STAC: variants seen among roughly 807,000 people sequenced by gnomAD.
The protein encoded by STAC is SH3 and cysteine-rich domain-containing protein.
In STAC, 43 loss-of-function variants were observed where a neutral mutation model predicts 48.8. The ratio of observed to expected loss-of-function variants is 0.88; its 90% CI spans 0.69 to 1.14. The LOEUF is 1.14. Among genes scored for constraint, STAC ranks in the 50% most tolerant of loss-of-function variants. The pLI is 0.00. For missense variants in STAC, 497 were observed against 504.0 expected, an observed-to-expected ratio of 0.99 and a Z score of 0.13; for synonymous variants, 193 against 179.5, an observed-to-expected ratio of 1.07 and a Z score of -0.60.
In STAC at chr3:36,445,658, C is replaced by T. The variant is rs374523639; in HGVS notation, c.388+2018C>T. On this transcript the variant is annotated intron_variant, in intron 2 of 10. Coordinates refer to ENST00000273183, the MANE Select transcript of STAC (RefSeq NM_003149.3). ...CCCTTCAGACATAGCATTCTGTCTC[C>T]ATATAGATTACCTAAAGATTTCTTT... 6.6e-5 allele frequency among the ~76,000 whole-genome samples: 10 copies of T among 152,298 alleles called. No individual in the cohort carries two copies. The East Asian group carries it at 1.9e-3, about 29-fold the overall frequency.
chr3:36,537,624 G>A (rs918148366), intron 10 of STAC, among the ~76,000 whole-genome samples: 3 of 152,000 alleles, frequency 2.0e-5, no homozygotes, highest in Non-Finnish European at 4.4e-5. Flanking sequence ...TAGGTGATGG[G>A]TTGATAGGTG....
At chr3:36,540,768 A>T (rs528010179) in intron 10 of STAC, among the ~76,000 whole-genome samples, 1 of 151,998 alleles carries the variant, frequency 6.6e-6, no homozygotes, top group South Asian at 2.1e-4. Flanking sequence ...AGCCCTTTTG[A>T]CTCCGTGATT....
chr3:36,474,781 C>T (rs1697444585), intron 2 of STAC, among the ~76,000 whole-genome samples: 1 of 152,178 alleles, frequency 6.6e-6, no homozygotes, highest in Non-Finnish European at 1.5e-5. Flanking sequence ...CCCTACTTCC[C>T]TGTTATAATA....
chr3:36,393,399 A>T (rs1699792513), intron 1 of STAC, among the ~76,000 whole-genome samples: 1 of 152,106 alleles, frequency 6.6e-6, no homozygotes. Flanking sequence ...AACACAGATG[A>T]TAAACAAGGT....
intron 5 of STAC, among the ~76,000 whole-genome samples, chr3:36,486,788 A>G (rs1198859052): frequency 2.6e-5 from 4 of 152,194 alleles, no homozygotes; most frequent in African/African-American, 7.2e-5. Context: ...CCTAAGTTCT[A>G]TCTGACTTAA....
At chr3:36,474,132 T>A (rs1312466726) in intron 2 of STAC, among the ~76,000 whole-genome samples, 1 of 152,188 alleles carries the variant, frequency 6.6e-6, no homozygotes, top group Non-Finnish European at 1.5e-5. Context: ...GAATCTATTA[T>A]GGGTACCCAC....
chr3:36,394,842 C>G lies in STAC; in HGVS notation c.111+14088C>G, dbSNP rs530890548. ...AACCTGGGAGGCGGAGGTTGCATGC[C>G]ACTACACTCCGGCATGGGCAACAGA... is the stretch of plus-strand genomic sequence containing the variant. On this transcript the variant is annotated intron_variant, in intron 1 of 10. Coordinates refer to ENST00000273183, the MANE Select transcript of STAC (RefSeq NM_003149.3). 8.6e-5 allele frequency among the ~76,000 whole-genome samples: 13 copies of G among 150,964 alleles called. No homozygotes were observed. In the East Asian group the frequency reaches 2.3e-3, roughly 27 times the overall value.
chr3:36,511,604 T>C, intron 8 of STAC, among the ~76,000 whole-genome samples: 1 of 152,222 alleles, frequency 6.6e-6, no homozygotes, highest in South Asian at 2.1e-4. Context: ...TGCCAGAGCA[T>C]TGGGAAAATA....
intron 8 of STAC, among the ~76,000 whole-genome samples, chr3:36,507,619 T>G (rs1698435626): frequency 6.6e-6 from 1 of 152,196 alleles, no homozygotes; most frequent in Admixed American, 6.5e-5. Flanking sequence ...TATTCAGGGG[T>G]TTGACTTCTT....
At chr3:36,458,388 T>C (rs929993981) in intron 2 of STAC, among the ~76,000 whole-genome samples, 1 of 152,126 alleles carries the variant, frequency 6.6e-6, no homozygotes, top group Non-Finnish European at 1.5e-5. Context: ...ACTCCAAATA[T>C]CAAGCTCTTT....
intron 10 of STAC, 119 bp from the exon 11 acceptor site, chr3:36,546,067 ACTGCT>A: frequency 1.4e-6 from 1 of 734,636 alleles, no homozygotes; most frequent in South Asian, 1.7e-5. Flanking sequence ...CCACCCTAAA[ACTGCT>A]CTCCCTTTTC....
intron 1 of STAC, among the ~76,000 whole-genome samples, chr3:36,382,379 T>G (rs1175631896): frequency 6.6e-6 from 1 of 152,224 alleles, no homozygotes; most frequent in Non-Finnish European, 1.5e-5. Context: ...TTATATGGAT[T>G]TGCTATTTAT....
At chr3:36,416,667 A>T (rs1204765131) in intron 1 of STAC, among the ~76,000 whole-genome samples, 1 of 151,988 alleles carries the variant, frequency 6.6e-6, no homozygotes, top group Non-Finnish European at 1.5e-5. Flanking sequence ...TTGCCCCTTA[A>T]TTCTTTAGGA....
chr3:36,428,023 A>C (rs148935185), intron 1 of STAC, among the ~76,000 whole-genome samples: 183 of 152,308 alleles, frequency 1.2e-3, no homozygotes, highest in African/African-American at 4.3e-3. Context: ...AATGAGAATA[A>C]AAATACCTGA....
At chr3:36,434,614 G>A (rs987434463) in intron 1 of STAC, among the ~76,000 whole-genome samples, 1 of 152,184 alleles carries the variant, frequency 6.6e-6, no homozygotes, top group African/African-American at 2.4e-5. Context: ...TGGTGACTGT[G>A]CCTCCTAATT....
At chr3:36,528,811 C>T (rs766700851) in intron 9 of STAC, 37 bp from the exon 10 acceptor site, 1 of 1,609,146 alleles carries the variant, frequency 6.2e-7, no homozygotes, top group Non-Finnish European at 8.5e-7. Flanking sequence ...ATAATACATG[C>T]TACAATTGTG....
chr3:36,539,455 A>AT (rs1699271552), intron 10 of STAC, among the ~76,000 whole-genome samples: 1 of 152,106 alleles, frequency 6.6e-6, no homozygotes, highest in East Asian at 1.9e-4. Flanking sequence ...AACATGCAGT[A>AT]TTTTTTTGGT....
chr3:36,384,310 C>T (rs1699572144), intron 1 of STAC, among the ~76,000 whole-genome samples: 1 of 152,182 alleles, frequency 6.6e-6, no homozygotes, highest in East Asian at 1.9e-4. Flanking sequence ...AATCACACCT[C>T]AATATCATCA....
intron 1 of STAC, among the ~76,000 whole-genome samples, chr3:36,423,229 G>A (rs1700487046): frequency 6.6e-6 from 1 of 152,054 alleles, no homozygotes; most frequent in African/African-American, 2.4e-5. Context: ...GCATTTCACT[G>A]TATTCCATTA....
Sources: allele counts gnomAD v4.1 joint callset (sites outside exome capture counted in the v4.1 genomes callset), GRCh38; gene constraint gnomAD v4.1.1; transcripts MANE v1.5; gene names NCBI Gene and HGNC (gene_info 2026-07-23, HGNC 2026-07-21).